ABLIM2: variants seen among roughly 807,000 people sequenced by gnomAD.
The protein encoded by ABLIM2 is actin-binding LIM protein 2.
Under a neutral mutation model 97.7 loss-of-function variants are expected in ABLIM2, and 53 were observed. The observed-to-expected ratio is 0.54, with a 90% CI of 0.44 to 0.68. The LOEUF (loss-of-function observed/expected upper bound fraction) is 0.68, where lower values mean the gene tolerates loss of function less well. ABLIM2 is among the 30% of genes least tolerant of loss of function. ABLIM2 has a pLI of 0.00. For missense variants in ABLIM2, 835 were observed against 867.2 expected, an observed-to-expected ratio of 0.96 and a Z score of 0.47; for synonymous variants, 361 against 345.8, an observed-to-expected ratio of 1.04 and a Z score of -0.49.
At chr4:8,156,369 C>T (rs545460989) in intron 1 of ABLIM2, among the ~76,000 whole-genome samples, 1 of 152,230 alleles carries the variant, frequency 6.6e-6, no homozygotes, top group Non-Finnish European at 1.5e-5. Context: ...GGGCGCCCCA[C>T]AGCTAGGACA....
At chr4:8,052,651 C>T (rs1324213536) in intron 8 of ABLIM2, among the ~76,000 whole-genome samples, 1 of 152,226 alleles carries the variant, frequency 6.6e-6, no homozygotes. Flanking sequence ...TGCAGGCCTC[C>T]AGCCCTGCCT....
At chr4:8,037,624 C>T (rs1470081361) in intron 9 of ABLIM2, among the ~76,000 whole-genome samples, 1 of 152,118 alleles carries the variant, frequency 6.6e-6, no homozygotes. Context: ...CACATCTGCC[C>T]ACACATACTT....
intron 14 of ABLIM2, among the ~76,000 whole-genome samples, chr4:8,014,385 AT>A (rs913208900): frequency 6.6e-6 from 1 of 152,158 alleles, no homozygotes; most frequent in African/African-American, 2.4e-5. Context: ...CATCAACAGG[AT>A]TTTTTTCTGT....
At chr4:8,134,406 G>C (rs931519330) in intron 1 of ABLIM2, among the ~76,000 whole-genome samples, 10 of 152,158 alleles carry the variant, frequency 6.6e-5, no homozygotes, top group Non-Finnish European at 1.0e-4. Flanking sequence ...AAACTGGGCC[G>C]TCTCCTGCTG....
At chr4:8,039,883 T>TTTTTTG (rs1553989729) in intron 9 of ABLIM2, among the ~76,000 whole-genome samples, 4 of 142,528 alleles carry the variant, frequency 2.8e-5, no homozygotes, top group African/African-American at 8.0e-5. Context: ...TGTTTTTTTT[T>TTTTTTG]TTTTTTTTTT....
Position 8,039,751 on chromosome 4 carries a change from C to T in ABLIM2, c.901-3456G>A, listed in dbSNP as rs148812653. Among the ~76,000 whole-genome samples, 6 of 152,190 alleles carry T rather than the reference C, an allele frequency of 3.9e-5. No homozygotes were observed. The East Asian group carries it at 9.6e-4, about 24-fold the overall frequency. ...TACAAAATAATATGTTCAGTGTGAC[C>T]CCATGTTATAAAAATTACACACACA... On this transcript the variant is annotated intron_variant, in intron 9 of 20. Coordinates refer to ENST00000447017, the MANE Select transcript of ABLIM2 (RefSeq NM_001130083.2).
chr4:8,141,368 G>C (rs780790620), intron 1 of ABLIM2, among the ~76,000 whole-genome samples: 1 of 152,034 alleles, frequency 6.6e-6, no homozygotes. Flanking sequence ...CTTCCTCCTC[G>C]GCAAATCACA....
intron 8 of ABLIM2, among the ~76,000 whole-genome samples, chr4:8,049,498 G>A (rs188801066): frequency 7.9e-5 from 12 of 152,288 alleles, no homozygotes; most frequent in Admixed American, 6.5e-4. Flanking sequence ...GGCCATGATG[G>A]GAAGCGGGGG....
At position 8,149,219 on chromosome 4, in the gene ABLIM2, C is replaced by A. The variant is rs570778576; in HGVS notation, c.10+9461G>T. 2.0e-5 allele frequency among the ~76,000 whole-genome samples: 3 copies of A among 152,216 alleles called. No individual in the cohort carries two copies. Among genetic ancestry groups the A allele is most frequent in the Admixed American group, 6.5e-5 (1 of 15,286 alleles). ...CTCCTCTCTGCTGCCTCCTGCCTCC[C>A]GTTAGCGAGAAGCCTCAGGCCCCCT... On this transcript the variant is annotated intron_variant, in intron 1 of 20. Transcript: ENST00000447017. This position sits in a 1 kb window ranked among gnomAD's most constrained non-coding sequence, Gnocchi z 6.4.
chr4:8,043,399 T>C lies in ABLIM2; in HGVS notation c.900+1765A>G, dbSNP rs993623140. 6.6e-6 allele frequency among the ~76,000 whole-genome samples: 1 copy of C among 152,164 alleles called. No homozygotes were observed. Among genetic ancestry groups the C allele is most frequent in the Non-Finnish European group, 1.5e-5 (1 of 68,030 alleles). On this transcript the variant is annotated intron_variant, in intron 9 of 20. Transcript: ENST00000447017. This position sits in a 1 kb window ranked among gnomAD's most constrained non-coding sequence, Gnocchi z 4.8. The stretch of plus-strand genomic sequence containing the variant: ...TCATAATCATTATTCATGAGGATGA[T>C]GATGGTATTATGGACTGAACTGTGT...
At chr4:8,034,060 C>T (rs546983051) in intron 10 of ABLIM2, among the ~76,000 whole-genome samples, 3 of 152,296 alleles carry the variant, frequency 2.0e-5, no homozygotes, top group South Asian at 4.1e-4. Flanking sequence ...CCAGAGAGAG[C>T]GCCAGGATGT....
chr4:8,019,560 G>C lies in ABLIM2; in HGVS notation c.1423+58C>G. The C allele has an allele frequency of 6.6e-7, 1 of 1,509,450 alleles. No homozygotes were observed. Among genetic ancestry groups the C allele is most frequent in the African/African-American group, 1.4e-5 (1 of 71,448 alleles). 93.5% of individuals were successfully genotyped at this position (1,509,450 alleles called of 1,614,324 possible). ...CAACAAAAGGATGCATTCAGAAGCA[G>C]ATGGGTATTGACAGGCATGCGGGGC... is the stretch of plus-strand genomic sequence containing the variant. On this transcript the variant is annotated intron_variant, in intron 14 of 20. Coordinates refer to ENST00000447017, the MANE Select transcript of ABLIM2 (RefSeq NM_001130083.2). This position sits in a 1 kb window ranked among gnomAD's most constrained non-coding sequence, Gnocchi z 4.3.
chr4:8,029,180 G>C (rs1023927636), intron 11 of ABLIM2, among the ~76,000 whole-genome samples: 2 of 152,190 alleles, frequency 1.3e-5, no homozygotes, highest in African/African-American at 4.8e-5. Flanking sequence ...CTGTCACTGG[G>C]TGATCAACCT....
intron 20 of ABLIM2, among the ~76,000 whole-genome samples, chr4:7,981,640 A>T (rs1738527860): frequency 6.6e-6 from 1 of 152,188 alleles, no homozygotes. Context: ...TACCATTTGC[A>T]ACAAACAGGT....
rs916320160 is a variant in ABLIM2 at position 8,023,560 on chromosome 4, G to A, written c.1268-3257C>T. ...CGGCCTTGCTGACCGGGTCATGCTC[G>A]TCAGCCATGGTGGCCTGCTCCACGG... On this transcript the variant is annotated intron_variant, in intron 12 of 20. Coordinates refer to ENST00000447017, the MANE Select transcript of ABLIM2 (RefSeq NM_001130083.2). The surrounding 1 kb of genome is among the most constrained non-coding windows in gnomAD (Gnocchi z 5.7). 3.9e-5 allele frequency among the ~76,000 whole-genome samples: 6 copies of A among 152,302 alleles called. No individual in the cohort carries two copies. Among genetic ancestry groups the A allele is most frequent in the African/African-American group, 9.6e-5 (4 of 41,580 alleles).
chr4:8,145,473 C>T (rs775594280), intron 1 of ABLIM2, among the ~76,000 whole-genome samples: 2 of 152,052 alleles, frequency 1.3e-5, no homozygotes, highest in South Asian at 2.1e-4. Context: ...CATGAGCTAC[C>T]GCGCCCGGCC....
chr4:8,036,712 C>T (rs1045624376), intron 9 of ABLIM2, among the ~76,000 whole-genome samples: 3 of 152,168 alleles, frequency 2.0e-5, no homozygotes, highest in African/African-American at 2.4e-5. Context: ...TGATCACACC[C>T]GAAGGCTCTG....
intron 1 of ABLIM2, among the ~76,000 whole-genome samples, chr4:8,141,390 C>T (rs145943062): frequency 1.3e-5 from 2 of 152,288 alleles, no homozygotes; most frequent in East Asian, 1.9e-4. Context: ...CCACACATGC[C>T]TCCTTCACAG....
intron 1 of ABLIM2, among the ~76,000 whole-genome samples, chr4:8,139,620 T>C (rs1850672467): frequency 6.6e-6 from 1 of 152,184 alleles, no homozygotes; most frequent in South Asian, 2.1e-4. Flanking sequence ...TGCGAGGCTG[T>C]GGAGAAACAG....
Sources: allele counts gnomAD v4.1 joint callset (sites outside exome capture counted in the v4.1 genomes callset), GRCh38; gene constraint gnomAD v4.1.1; non-coding constraint Gnocchi (gnomAD v3.1); transcripts MANE v1.5; gene names NCBI Gene and HGNC (gene_info 2026-07-23, HGNC 2026-07-21).